Variants in CLIC4 observed in about 807,000 individuals in gnomAD.
CLIC4 encodes the protein CLIC family member 4, also known as chloride intracellular channel protein 4.
Under a neutral mutation model 24.6 loss-of-function variants are expected in CLIC4, and 13 were observed. That is an observed-to-expected ratio of 0.53 (90% CI 0.34 to 0.84). CLIC4 has a LOEUF of 0.84. Ranked by LOEUF, CLIC4 falls within the 40% of genes least tolerant of loss-of-function variation. The pLI is 0.01. For synonymous variants in CLIC4, 104 were observed against 111.3 expected (o/e 0.93, Z 0.41); for missense variants, 227 against 301.7 (o/e 0.75, Z 1.83).
intron 1 of CLIC4, among the ~76,000 whole-genome samples, chr1:24,788,510 C>T (rs945819161): frequency 1.3e-5 from 2 of 152,126 alleles, no homozygotes; most frequent in Non-Finnish European, 2.9e-5. Flanking sequence ...TGTAGAAGTC[C>T]GTTATAGTTG....
chr1:24,785,186 A>C (rs1457160095), intron 1 of CLIC4, among the ~76,000 whole-genome samples: 1 of 151,962 alleles, frequency 6.6e-6, no homozygotes, highest in East Asian at 1.9e-4. Flanking sequence ...TGTTTTCCAA[A>C]AGAATAAAGC....
At chr1:24,781,945 G>C (rs1639210745) in intron 1 of CLIC4, among the ~76,000 whole-genome samples, 1 of 152,082 alleles carries the variant, frequency 6.6e-6, no homozygotes, top group Non-Finnish European at 1.5e-5. Flanking sequence ...CCACTGCGCC[G>C]GGCCTTGTAG....
At chr1:24,803,357 A>G (rs1639510877) in intron 2 of CLIC4, among the ~76,000 whole-genome samples, 1 of 152,186 alleles carries the variant, frequency 6.6e-6, no homozygotes, top group Non-Finnish European at 1.5e-5. Context: ...GTTACTTAGC[A>G]GCTCACTCTA....
intron 1 of CLIC4, among the ~76,000 whole-genome samples, chr1:24,749,696 G>A (rs945676619): frequency 1.3e-5 from 2 of 152,242 alleles, no homozygotes; most frequent in Admixed American, 6.5e-5. Context: ...GGTGGCTCAC[G>A]CCTGTAATCC....
intron 1 of CLIC4, among the ~76,000 whole-genome samples, chr1:24,782,377 T>C (rs1639215073): frequency 6.6e-6 from 1 of 152,230 alleles, no homozygotes; most frequent in Admixed American, 6.5e-5. Context: ...TAGGGTATTC[T>C]GAAATTCTTA....
intron 2 of CLIC4, among the ~76,000 whole-genome samples, chr1:24,799,321 G>A (rs1381513653): frequency 6.6e-6 from 1 of 150,824 alleles, no homozygotes; most frequent in African/African-American, 2.4e-5. Flanking sequence ...GATGTGAGGA[G>A]CGCCTCTGCC....
rs367935324 is a variant in CLIC4, at chr1:24,839,944, G to C, written c.500G>C (p.Ser167Thr). The C allele has an allele frequency of 6.2e-7, 1 of 1,613,776 alleles. No individual in the cohort carries two copies. Among genetic ancestry groups the C allele is most frequent in the Non-Finnish European group, 8.5e-7 (1 of 1,179,978 alleles). Residue 167 changes from serine to threonine, a missense_variant, in exon 5 of 6, where the codon AGT (serine) becomes ACT (threonine). Transcript: ENST00000374379. ...CTCCCTGATGAAATTGATGAAAATAGTATGGAGGACATAAAGTTTTCTACA... is the reference window on the plus strand; with the variant it reads ...CTCCCTGATGAAATTGATGAAAATACTATGGAGGACATAAAGTTTTCTACA... ...SPLPDEIDEN[S>T]MEDIKFSTRK...
At position 24,794,885 on chromosome 1, in the gene CLIC4, G is replaced by A. The variant is rs544110165; in HGVS notation, c.73-2857G>A. On this transcript the variant is annotated intron_variant, in intron 1 of 5. Coordinates refer to ENST00000374379, the MANE Select transcript of CLIC4 (RefSeq NM_013943.3). ...GATTTTTGTGTATGGTATAAGGAAG[G>A]AATCCAATTTTAATCTTCTGCATAT... Among the ~76,000 whole-genome samples, 4 of 152,200 alleles carry A rather than the reference G, an allele frequency of 2.6e-5. No homozygotes were observed. In the South Asian group the frequency reaches 8.3e-4, roughly 32 times the overall value.
chr1:24,839,491 A>G (rs942534253), intron 4 of CLIC4, among the ~76,000 whole-genome samples: 3 of 151,838 alleles, frequency 2.0e-5, no homozygotes, highest in South Asian at 2.1e-4. Flanking sequence ...AGTAGAGACG[A>G]GGTTTCACCG....
chr1:24,797,435 ATGGTGGTACG>A (rs1188572097), intron 1 of CLIC4, among the ~76,000 whole-genome samples: 66 of 151,450 alleles, frequency 4.4e-4, no homozygotes, highest in Non-Finnish European at 8.3e-4. Context: ...ATTAGCCGGG[ATGGTGGTACG>A]TGCCTGTAGC....
At chr1:24,767,265 T>A (rs1327028901) in intron 1 of CLIC4, among the ~76,000 whole-genome samples, 3 of 152,164 alleles carry the variant, frequency 2.0e-5, no homozygotes, top group South Asian at 4.1e-4. Flanking sequence ...GTGTCCCCAC[T>A]GGGGTAATCT....
At chr1:24,774,957 G>C (rs1279806232) in intron 1 of CLIC4, among the ~76,000 whole-genome samples, 2 of 151,986 alleles carry the variant, frequency 1.3e-5, no homozygotes, top group African/African-American at 4.8e-5. Context: ...TGTAATCCCA[G>C]CTACTGGGGC....
chr1:24,801,891 T>C (rs541496054), intron 2 of CLIC4, among the ~76,000 whole-genome samples: 24 of 152,318 alleles, frequency 1.6e-4, no homozygotes, highest in African/African-American at 5.8e-4. Flanking sequence ...AACTACAAGC[T>C]CTTGGGAAGA....
rs188215054 is a variant in CLIC4 at position 24,768,618 on chromosome 1, A to C, written c.72+22993A>C. Reference sequence around the variant, plus strand: ...CCACAATGAGATGATAAAGCTTAAAACATTAACATGTCGGCCGGGTGCGGT... The same window carrying C: ...CCACAATGAGATGATAAAGCTTAAACCATTAACATGTCGGCCGGGTGCGGT... On this transcript the variant is annotated intron_variant, in intron 1 of 5. Coordinates refer to ENST00000374379, the MANE Select transcript of CLIC4 (RefSeq NM_013943.3). Among the ~76,000 whole-genome samples the C allele has an allele frequency of 1.3e-3, 193 of 152,300 alleles. 1 individual carries two copies. The highest frequency in any genetic ancestry group is 3.8e-3 in the African/African-American group (159 of 41,566).
chr1:24,802,399 G>T (rs866769492), intron 2 of CLIC4, among the ~76,000 whole-genome samples: 1 of 152,110 alleles, frequency 6.6e-6, no homozygotes, highest in Admixed American at 6.6e-5. Context: ...AAAAAGTGGC[G>T]CATGGGAGGT....
At chr1:24,794,067 C>G (rs1639370191) in intron 1 of CLIC4, among the ~76,000 whole-genome samples, 1 of 152,172 alleles carries the variant, frequency 6.6e-6, no homozygotes. Flanking sequence ...TCCCATCTCT[C>G]CTTTTCCTTC....
intron 1 of CLIC4, among the ~76,000 whole-genome samples, chr1:24,770,438 G>A (rs1639057106): frequency 6.6e-6 from 1 of 151,996 alleles, no homozygotes; most frequent in African/African-American, 2.4e-5. Context: ...CATCTATAAA[G>A]TTTCTTAAGC....
chr1:24,842,478 T>A lies in CLIC4; in HGVS notation c.*1541T>A, dbSNP rs1290799321. On this transcript the variant is annotated 3_prime_UTR_variant, in exon 6 of 6. Transcript: ENST00000374379. ...AAATTTTAAGTTTATTGCTTTAAAA[T>A]GGCAGTGTTTCTCCCACTTTGATAT... 1 of 152,198 alleles carries A rather than the reference T, an allele frequency of 6.6e-6. No individual in the cohort carries two copies. The highest frequency in any genetic ancestry group is 1.5e-5 in the Non-Finnish European group (1 of 68,010). The allele number at this position is 152,198 out of a possible 1,614,324, so 9.4% of individuals were successfully genotyped here. A position where few individuals can be genotyped will look rare whatever the true frequency, so the allele number is the denominator to read the frequency against.
chr1:24,839,384 C>T (rs532078830), intron 4 of CLIC4, among the ~76,000 whole-genome samples: 5 of 152,204 alleles, frequency 3.3e-5, no homozygotes, highest in African/African-American at 7.2e-5. Flanking sequence ...ACTGCAAGCT[C>T]GGCCTCCCGG....
Sources: allele counts gnomAD v4.1 joint callset (sites outside exome capture counted in the v4.1 genomes callset), GRCh38; gene constraint gnomAD v4.1.1; transcripts MANE v1.5; gene names NCBI Gene and HGNC (gene_info 2026-07-23, HGNC 2026-07-21).